ANKS1B: variants seen among roughly 807,000 people sequenced by gnomAD.
The protein encoded by ANKS1B is ankyrin repeat and sterile alpha motif domain-containing protein 1B.
Under a neutral mutation model 148.3 loss-of-function variants are expected in ANKS1B, and 36 were observed. The ratio of observed to expected loss-of-function variants is 0.24; its 90% CI spans 0.19 to 0.32. ANKS1B has a LOEUF of 0.32. Ranked by LOEUF, ANKS1B falls within the 10% of genes least tolerant of loss-of-function variation. ANKS1B has a pLI of 1.00. For synonymous variants in ANKS1B, 542 were observed against 560.8 expected (o/e 0.97, Z 0.47); for missense variants, 1,157 against 1,542.6 (o/e 0.75, Z 4.19).
At chr12:99,284,529 A>G (rs1426847178) in intron 12 of ANKS1B, among the ~76,000 whole-genome samples, 2 of 152,130 alleles carry the variant, frequency 1.3e-5, no homozygotes, top group Non-Finnish European at 2.9e-5. Context: ...TTTTAGAAAG[A>G]TTTTATTTTC....
At position 98,801,716 on chromosome 12, in the gene ANKS1B, C is replaced by G. The variant is rs2099006159; in HGVS notation, c.3142-591G>C. 6.6e-6 allele frequency among the ~76,000 whole-genome samples: 1 copy of G among 152,206 alleles called. No homozygotes were observed. On this transcript the variant is annotated intron_variant, in intron 20 of 26. Transcript: ENST00000683438. This position sits in a 1 kb window ranked among gnomAD's most constrained non-coding sequence, Gnocchi z 5.2. Reference sequence around the variant, plus strand: ...ATGATGCTGTCTCAGATGGATTCAGCTACTTTTCTCAGAAAACCTAACGTA... The same window carrying G: ...ATGATGCTGTCTCAGATGGATTCAGGTACTTTTCTCAGAAAACCTAACGTA...
intron 1 of ANKS1B, among the ~76,000 whole-genome samples, chr12:99,931,590 AAAATTAGAGTTAATAT>A (rs2094617081): frequency 1.3e-5 from 2 of 152,190 alleles, no homozygotes; most frequent in Non-Finnish European, 1.5e-5. Context: ...CTATCAAAAT[AAAATTAGAGTTAATAT>A]AAGCAACATC....
At chr12:99,475,531 G>A (rs1042250772) in intron 10 of ANKS1B, among the ~76,000 whole-genome samples, 1 of 151,050 alleles carries the variant, frequency 6.6e-6, no homozygotes, top group East Asian at 1.9e-4. Context: ...ATAAATCTAG[G>A]ACAATATAAA....
chr12:98,831,490 G>C (rs2099315271), intron 18 of ANKS1B: 2 of 152,664 alleles, frequency 1.3e-5, no homozygotes, highest in African/African-American at 4.8e-5. Flanking sequence ...TGGCGTAGAT[G>C]GGGTGTGGGA....
chr12:99,677,320 C>T (rs2098581868), intron 8 of ANKS1B, among the ~76,000 whole-genome samples: 1 of 152,096 alleles, frequency 6.6e-6, no homozygotes. Flanking sequence ...ACTTGCCCCT[C>T]CTCCAAACTG....
chr12:99,812,511 C>CCA (rs10539640), intron 2 of ANKS1B, among the ~76,000 whole-genome samples, 200 bp from the exon 3 acceptor site: 3,546 of 126,028 alleles, frequency 0.028, 74 homozygotes, highest in Non-Finnish European at 0.032. Flanking sequence ...TCACCCCATG[C>CCA]CACACACACA....
intron 12 of ANKS1B, among the ~76,000 whole-genome samples, chr12:99,307,965 C>T (rs903650488): frequency 6.6e-6 from 1 of 152,030 alleles, no homozygotes; most frequent in African/African-American, 2.4e-5. Flanking sequence ...ACTCCCTCGA[C>T]TAATAGTTCA....
intron 17 of ANKS1B, among the ~76,000 whole-genome samples, chr12:98,887,007 G>T (rs952755824): frequency 1.3e-5 from 2 of 152,130 alleles, no homozygotes; most frequent in South Asian, 2.1e-4. Context: ...ATGAATCAAA[G>T]AACTCAGTCA....
In ANKS1B at chr12:98,965,208, G is replaced by A. The variant is rs115324283; in HGVS notation, c.2778+87949C>T. ...TGTTCCAGGTGCTAGGAACAGAATC[G>A]TGATCCTGGCTTCATGGACTTCCAT... is the stretch of plus-strand genomic sequence containing the variant. On this transcript the variant is annotated intron_variant, in intron 17 of 26. Transcript: ENST00000683438. 2.5e-3 allele frequency among the ~76,000 whole-genome samples: 376 copies of A among 152,238 alleles called. 2 individuals carry two copies. The highest frequency in any genetic ancestry group is 8.9e-3 in the African/African-American group (370 of 41,556).
intron 4 of ANKS1B, among the ~76,000 whole-genome samples, chr12:99,791,568 C>A (rs904610080): frequency 7.9e-5 from 12 of 151,850 alleles, no homozygotes; most frequent in Non-Finnish European, 1.2e-4. Context: ...CATCCCTGAC[C>A]ACAATGGAAT....
rs565526501 is a variant in ANKS1B, at chr12:98,751,022, A to T, written c.3747+333T>A. 2.6e-5 allele frequency among the ~76,000 whole-genome samples: 4 copies of T among 152,336 alleles called. No homozygotes were observed. The South Asian group carries it at 8.3e-4, about 32-fold the overall frequency. On this transcript the variant is annotated intron_variant, in intron 26 of 26. Coordinates refer to ENST00000683438, the MANE Select transcript of ANKS1B (RefSeq NM_001352186.2). The surrounding 1 kb of genome is among the most constrained non-coding windows in gnomAD (Gnocchi z 4.3). ...TGCCCTCTGATGGGATGGCAGCTGA[A>T]GCCCCAGGGAACACTGCTCCCAAGC...
chr12:99,344,237 ATTCTT>A (rs759152008), intron 12 of ANKS1B, among the ~76,000 whole-genome samples: 79 of 151,998 alleles, frequency 5.2e-4, no homozygotes, highest in Non-Finnish European at 9.4e-4. Flanking sequence ...ATGCTATTCT[ATTCTT>A]AATTCCTTTC....
chr12:99,283,826 T>G (rs918535879), intron 12 of ANKS1B, among the ~76,000 whole-genome samples: 2 of 152,220 alleles, frequency 1.3e-5, no homozygotes, highest in Non-Finnish European at 2.9e-5. Context: ...AAATGTTTAC[T>G]GAATAAACCA....
chr12:99,414,495 T>C (rs1430230760), intron 11 of ANKS1B, among the ~76,000 whole-genome samples: 2 of 152,058 alleles, frequency 1.3e-5, no homozygotes, highest in African/African-American at 4.8e-5. Context: ...TGGAATACTA[T>C]GCAGCCATAA....
At chr12:99,713,982 TTC>T (rs2056971882) in intron 8 of ANKS1B, among the ~76,000 whole-genome samples, 1 of 152,230 alleles carries the variant, frequency 6.6e-6, no homozygotes, top group Non-Finnish European at 1.5e-5. Flanking sequence ...CACATTTATC[TTC>T]TTTTTCTGGA....
At chr12:98,777,854 T>G (rs922174518) in intron 24 of ANKS1B, among the ~76,000 whole-genome samples, 1 of 152,190 alleles carries the variant, frequency 6.6e-6, no homozygotes, top group African/African-American at 2.4e-5. Context: ...TCACAAAGTC[T>G]AATGGGGGCT....
intron 1 of ANKS1B, among the ~76,000 whole-genome samples, chr12:99,887,804 G>T (rs1042501527): frequency 6.6e-6 from 1 of 152,126 alleles, no homozygotes; most frequent in Non-Finnish European, 1.5e-5. Flanking sequence ...AATTTAAGCT[G>T]CAGTTAAACT....
At chr12:99,454,050 T>C (rs973233565) in intron 10 of ANKS1B, among the ~76,000 whole-genome samples, 3 of 151,992 alleles carry the variant, frequency 2.0e-5, no homozygotes, top group Non-Finnish European at 2.9e-5. Context: ...AAACAGAATA[T>C]GCAACAGGGC....
intron 17 of ANKS1B, among the ~76,000 whole-genome samples, chr12:98,972,195 C>T (rs61932224): frequency 3.3e-5 from 5 of 151,966 alleles, no homozygotes; most frequent in African/African-American, 9.7e-5. Context: ...ATTTCACAGT[C>T]GTTATGAACA....
Sources: allele counts gnomAD v4.1 joint callset (sites outside exome capture counted in the v4.1 genomes callset), GRCh38; gene constraint gnomAD v4.1.1; non-coding constraint Gnocchi (gnomAD v3.1); transcripts MANE v1.5; gene names NCBI Gene and HGNC (gene_info 2026-07-23, HGNC 2026-07-21).